Variants in TNIK observed in about 807,000 individuals in gnomAD.
The protein encoded by TNIK is TRAF2 and NCK-interacting protein kinase.
Under a neutral mutation model 191.3 loss-of-function variants are expected in TNIK, and 49 were observed. The observed-to-expected ratio is 0.26, with a 90% CI of 0.20 to 0.32. The LOEUF (loss-of-function observed/expected upper bound fraction) is 0.32, where lower values mean the gene tolerates loss of function less well. Ranked by LOEUF, TNIK falls within the 10% of genes least tolerant of loss-of-function variation. The probability of loss-of-function intolerance (pLI) is 1.00; values close to 1 mark genes in which losing one functional copy is unlikely to be tolerated. For missense variants in TNIK, 1,155 were observed against 1,702.3 expected, an observed-to-expected ratio of 0.68 and a Z score of 5.66; for synonymous variants, 594 against 600.9, an observed-to-expected ratio of 0.99 and a Z score of 0.17.
At chr3:171,243,253 C>T (rs1745195971) in intron 2 of TNIK, among the ~76,000 whole-genome samples, 2 of 152,030 alleles carry the variant, frequency 1.3e-5, no homozygotes, top group South Asian at 4.2e-4. Flanking sequence ...TAAATACATA[C>T]ACTATTACAC....
chr3:171,288,708 T>G (rs1221020640), intron 2 of TNIK, among the ~76,000 whole-genome samples: 7 of 151,094 alleles, frequency 4.6e-5, no homozygotes, highest in Non-Finnish European at 1.0e-4. Context: ...CTTGAGAGGC[T>G]GAGGCAGGAG....
chr3:171,107,936 G>T, intron 20 of TNIK, 129 bp downstream of exon 20: 1 of 855,782 alleles, frequency 1.2e-6, no homozygotes, highest in Non-Finnish European at 1.7e-6. Flanking sequence ...TCTTCGGGAT[G>T]TTTCTAGCAT....
chr3:171,372,114 A>G (rs1716571710), intron 1 of TNIK, among the ~76,000 whole-genome samples: 1 of 152,138 alleles, frequency 6.6e-6, no homozygotes, highest in Admixed American at 6.5e-5. Context: ...AGCTGGGGTT[A>G]GTAGGTAGGT....
chr3:171,094,058 T>G, intron 22 of TNIK, 90 bp from the exon 23 acceptor site: 1 of 1,448,302 alleles, frequency 6.9e-7, no homozygotes, highest in Non-Finnish European at 9.2e-7. Flanking sequence ...TATGGTAAAA[T>G]ATACATATTA....
chr3:171,452,770 A>G (rs1419053980), intron 1 of TNIK, among the ~76,000 whole-genome samples: 1 of 142,876 alleles, frequency 7.0e-6, no homozygotes, highest in Non-Finnish European at 1.5e-5. Context: ...ACACACACAC[A>G]CATACGCCTT....
At chr3:171,198,487 T>A (rs1739001764) in intron 4 of TNIK, among the ~76,000 whole-genome samples, 1 of 152,192 alleles carries the variant, frequency 6.6e-6, no homozygotes, top group African/African-American at 2.4e-5. Flanking sequence ...CATAACATTG[T>A]GACTATATTT....
intron 18 of TNIK, among the ~76,000 whole-genome samples, chr3:171,115,678 A>G (rs574021435): frequency 9.9e-5 from 15 of 152,210 alleles, no homozygotes; most frequent in Non-Finnish European, 2.1e-4. Flanking sequence ...CTGTATTAGG[A>G]AACACTGGGA....
At chr3:171,085,093 T>C in intron 25 of TNIK, 25 bp downstream of exon 25, 4 of 1,571,540 alleles carry the variant, frequency 2.5e-6, no homozygotes, top group Non-Finnish European at 3.5e-6. Context: ...AGCTGTTTTT[T>C]AAACACAGGG....
intron 2 of TNIK, among the ~76,000 whole-genome samples, chr3:171,338,843 G>A (rs551968248): frequency 1.6e-4 from 24 of 152,082 alleles, no homozygotes; most frequent in South Asian, 6.2e-4. Context: ...CCTAACTACC[G>A]TACAGTGCAG....
At chr3:171,319,188 TATAAA>T (rs145245226) in intron 2 of TNIK, among the ~76,000 whole-genome samples, 53 of 152,054 alleles carry the variant, frequency 3.5e-4, no homozygotes, top group Non-Finnish European at 6.6e-4. Flanking sequence ...CAAAATAAAA[TATAAA>T]ATAAAATTTA....
intron 2 of TNIK, among the ~76,000 whole-genome samples, chr3:171,247,422 T>C (rs1371184661): frequency 1.3e-5 from 2 of 152,196 alleles, no homozygotes; most frequent in Non-Finnish European, 1.5e-5. Flanking sequence ...GAAGATAACA[T>C]CTCTGGCTTG....
intron 16 of TNIK, among the ~76,000 whole-genome samples, 179 bp downstream of exon 16, chr3:171,128,535 T>C (rs1728792247): frequency 6.6e-6 from 1 of 152,144 alleles, no homozygotes; most frequent in Non-Finnish European, 1.5e-5. Context: ...CTTTTTTCTT[T>C]CTCACCTGTT....
In TNIK at chr3:171,060,144, CGTTT is replaced by C. The variant is rs1354069571; in HGVS notation, c.*3733_*3736del. 1.3e-5 allele frequency among the ~76,000 whole-genome samples: 2 copies of C among 152,166 alleles called. No individual in the cohort carries two copies. The highest frequency in any genetic ancestry group is 1.5e-5 in the Non-Finnish European group (1 of 68,038). On this transcript the variant is annotated 3_prime_UTR_variant, in exon 33 of 33. Transcript: ENST00000436636. ...ACTGTTAACACAAAGAGCTCTTCCA[CGTTT>C]CAAGAATACAGTGACGGGAACTGGT...
At chr3:171,257,657 T>C (rs1747055025) in intron 2 of TNIK, among the ~76,000 whole-genome samples, 1 of 152,180 alleles carries the variant, frequency 6.6e-6, no homozygotes, top group Non-Finnish European at 1.5e-5. Flanking sequence ...AAAGCCTAGC[T>C]GGGGTTCCCA....
chr3:171,289,901 C>CAAAA (rs143704401), intron 2 of TNIK, among the ~76,000 whole-genome samples: 5 of 77,860 alleles, frequency 6.4e-5, no homozygotes, highest in African/African-American at 1.2e-4. Flanking sequence ...GACTCCGTCT[C>CAAAA]AAAAAAAAAA....
At chr3:171,166,965 A>C (rs923548473) in intron 10 of TNIK, 130 bp downstream of exon 10, 1 of 1,186,238 alleles carries the variant, frequency 8.4e-7, no homozygotes, top group African/African-American at 1.5e-5. Flanking sequence ...GTGGTCTCAG[A>C]GACAGCCCCT....
chr3:171,323,010 T>A (rs1181732338), intron 2 of TNIK, among the ~76,000 whole-genome samples: 1 of 152,150 alleles, frequency 6.6e-6, no homozygotes. Context: ...GAAAGTTGTA[T>A]GAAATTTACA....
chr3:171,286,101 G>A (rs918254414), intron 2 of TNIK, among the ~76,000 whole-genome samples: 2 of 152,174 alleles, frequency 1.3e-5, no homozygotes, highest in East Asian at 3.9e-4. Context: ...AGAGAGGGGA[G>A]AGGGGTATAT....
chr3:171,124,525 A>T (rs1204632143), intron 17 of TNIK, among the ~76,000 whole-genome samples: 1 of 152,234 alleles, frequency 6.6e-6, no homozygotes, highest in Non-Finnish European at 1.5e-5. Context: ...GTACCAAAGG[A>T]GTCCGTTATT....
Sources: allele counts gnomAD v4.1 joint callset (sites outside exome capture counted in the v4.1 genomes callset), GRCh38; gene constraint gnomAD v4.1.1; transcripts MANE v1.5; gene names NCBI Gene and HGNC (gene_info 2026-07-23, HGNC 2026-07-21).